DMXL1: variants seen among roughly 807,000 people sequenced by gnomAD.
DMXL1 encodes Dmx like 1.
A neutral mutation model predicts 319.2 loss-of-function variants in DMXL1; 99 were observed. The observed-to-expected ratio is 0.31, with a 90% CI of 0.26 to 0.37. The LOEUF (loss-of-function observed/expected upper bound fraction) is 0.37. DMXL1 is among the 10% of genes least tolerant of loss of function. DMXL1 has a pLI of 1.00. For synonymous variants in DMXL1, 1,385 were observed against 1,235.2 expected, an observed-to-expected ratio of 1.12 and a Z score of -2.54; for missense variants, 3,745 against 3,595.6, an observed-to-expected ratio of 1.04 and a Z score of -1.06.
At chr5:119,219,274 T>C (rs1784235296) in intron 35 of DMXL1, among the ~76,000 whole-genome samples, 1 of 152,188 alleles carries the variant, frequency 6.6e-6, no homozygotes, top group African/African-American at 2.4e-5. Context: ...GTAAGCATAC[T>C]TGCCCTTTGC....
At chr5:119,090,209 CAG>C (rs1754449564) in intron 1 of DMXL1, among the ~76,000 whole-genome samples, 1 of 150,136 alleles carries the variant, frequency 6.7e-6, no homozygotes, top group Admixed American at 6.6e-5. Context: ...TTAGTAGAGA[CAG>C]GGTTTCACCA....
intron 37 of DMXL1, among the ~76,000 whole-genome samples, chr5:119,222,829 C>T (rs1449960366): frequency 6.6e-6 from 1 of 152,072 alleles, no homozygotes; most frequent in South Asian, 2.1e-4. Flanking sequence ...GTCTCTTGAA[C>T]TTATTAAGCT....
intron 2 of DMXL1, among the ~76,000 whole-genome samples, chr5:119,099,767 TC>T (rs1379754933): frequency 6.6e-6 from 1 of 151,932 alleles, no homozygotes; most frequent in Non-Finnish European, 1.5e-5. Flanking sequence ...TTTAGGAGGG[TC>T]AAGGTGGGCA....
chr5:119,219,821 G>C lies in DMXL1; in HGVS notation c.8014-651G>C, dbSNP rs571579687. Among the ~76,000 whole-genome samples, 449 of 152,166 alleles carry C rather than the reference G, an allele frequency of 3.0e-3. 3 individuals carry two copies. Among genetic ancestry groups the C allele is most frequent in the African/African-American group, 0.01 (418 of 41,500 alleles). On this transcript the variant is annotated intron_variant, in intron 35 of 43. Transcript: ENST00000539542. ...GAGCTCAAGCTGTCTGCCTGCTTCA[G>C]CCTCCTAAAGTGCTAGGATTATAGA...
At chr5:119,086,189 A>G (rs751166151) in intron 1 of DMXL1, among the ~76,000 whole-genome samples, 2 of 152,178 alleles carry the variant, frequency 1.3e-5, no homozygotes, top group Admixed American at 6.5e-5. Context: ...GTTTCCCCTT[A>G]TGAAACCATC....
chr5:119,166,149 A>G (rs1381953477), intron 21 of DMXL1, among the ~76,000 whole-genome samples: 1 of 152,304 alleles, frequency 6.6e-6, no homozygotes, highest in South Asian at 2.1e-4. Context: ...TTATTTCCAG[A>G]TGACCCACAT....
At position 119,199,059 on chromosome 5, in the gene DMXL1, TG is replaced by T. The variant is rs1321694740; in HGVS notation, c.7745+1104del. Among the ~76,000 whole-genome samples the T allele has an allele frequency of 2.0e-5, 3 of 152,122 alleles. No individual in the cohort carries two copies. The East Asian group carries it at 5.8e-4, about 29-fold the overall frequency. On this transcript the variant is annotated intron_variant, in intron 32 of 43. Coordinates refer to ENST00000539542, the MANE Select transcript of DMXL1 (RefSeq NM_001290321.3). ...ACACCACCATGCCCAGCTAATTTTT[TG>T]TATTTTTTGTAGAGACAGGGTTTCA...
At chr5:119,200,213 C>T (rs1780443437) in intron 32 of DMXL1, among the ~76,000 whole-genome samples, 1 of 152,104 alleles carries the variant, frequency 6.6e-6, no homozygotes, top group African/African-American at 2.4e-5. Flanking sequence ...TTTGGTTTTA[C>T]ATGTAAGTCT....
rs926260469 is a variant in DMXL1 at position 119,237,421 on chromosome 5, C to T, written c.8559+7C>T. On this transcript the variant is annotated splice_region_variant and intron_variant, in intron 40 of 43. Coordinates refer to ENST00000539542, the MANE Select transcript of DMXL1 (RefSeq NM_001290321.3). ...CATGCCTAAGCCATACCTGGTAAGC[C>T]AAGAATTTCTACCTTTAAATAAAAT... The T allele has an allele frequency of 6.4e-7, 1 of 1,559,224 alleles. No homozygotes were observed. The highest frequency in any genetic ancestry group is 8.8e-7 in the Non-Finnish European group (1 of 1,137,668).
intron 19 of DMXL1, among the ~76,000 whole-genome samples, chr5:119,152,422 C>T (rs1770015957): frequency 1.3e-5 from 2 of 151,974 alleles, no homozygotes; most frequent in Non-Finnish European, 2.9e-5. Flanking sequence ...TGTTATAATA[C>T]ATTCTCAAAT....
At chr5:119,083,496 A>C (rs912736114) in intron 1 of DMXL1, among the ~76,000 whole-genome samples, 4 of 152,154 alleles carry the variant, frequency 2.6e-5, no homozygotes, top group Admixed American at 2.6e-4. Flanking sequence ...TCTTTTGCAT[A>C]TATACCCAGT....
chr5:119,137,542 A>G (rs1766299644), intron 13 of DMXL1, among the ~76,000 whole-genome samples: 1 of 152,208 alleles, frequency 6.6e-6, no homozygotes, highest in African/African-American at 2.4e-5. Context: ...CTCATTTCGA[A>G]TTATAATTGC....
intron 42 of DMXL1, among the ~76,000 whole-genome samples, chr5:119,242,364 C>A (rs987709464): frequency 1.3e-5 from 2 of 152,114 alleles, no homozygotes; most frequent in African/African-American, 4.8e-5. Flanking sequence ...AGAATATTAC[C>A]ATTTACAATA....
Position 119,167,973 on chromosome 5 carries a change from G to C in DMXL1, c.5398+109G>C, listed in dbSNP as rs1773769568. 4 of 1,069,220 alleles carry C rather than the reference G, an allele frequency of 3.7e-6. No homozygotes were observed. The East Asian group carries it at 1.2e-4, about 32-fold the overall frequency. 66.2% of individuals were successfully genotyped at this position (1,069,220 alleles called of 1,614,324 possible). ...GGTAATACAAACAAATTGAATTCAT[G>C]GTCTTTATAACAGTTTTTGGTTGGT... On this transcript the variant is annotated intron_variant, in intron 23 of 43. Coordinates refer to ENST00000539542, the MANE Select transcript of DMXL1 (RefSeq NM_001290321.3).
chr5:119,119,715 T>A (rs1327789211), intron 8 of DMXL1, among the ~76,000 whole-genome samples: 1 of 151,930 alleles, frequency 6.6e-6, no homozygotes, highest in African/African-American at 2.4e-5. Flanking sequence ...TTACCATGTT[T>A]GCCAGGGCTG....
intron 40 of DMXL1, chr5:119,238,753 G>C (rs755256961): frequency 1.1e-5 from 3 of 279,770 alleles, no homozygotes; most frequent in Non-Finnish European, 1.6e-5. Context: ...AAATATGAAA[G>C]AGAAGTAGAG....
chr5:119,108,022 G>T (rs1244748039), intron 4 of DMXL1, among the ~76,000 whole-genome samples: 1 of 152,116 alleles, frequency 6.6e-6, no homozygotes, highest in Non-Finnish European at 1.5e-5. Flanking sequence ...TAGACACAGG[G>T]ATTTCTGATC....
In DMXL1 at chr5:119,096,486, T is replaced by C. The variant is rs1038137404; in HGVS notation, c.88-1493T>C. Among the ~76,000 whole-genome samples the C allele has an allele frequency of 2.0e-5, 3 of 152,144 alleles. No homozygotes were observed. The East Asian group carries it at 5.8e-4, about 29-fold the overall frequency. On this transcript the variant is annotated intron_variant, in intron 1 of 43. Transcript: ENST00000539542. ...CCACCATGCCCAGCCTGAAGTATAATTTTTAAATATATGTGCGTGTGCAAA... is the reference window on the plus strand; with the variant it reads ...CCACCATGCCCAGCCTGAAGTATAACTTTTAAATATATGTGCGTGTGCAAA...
At chr5:119,211,510 T>C (rs1209535267) in intron 34 of DMXL1, among the ~76,000 whole-genome samples, 1 of 152,216 alleles carries the variant, frequency 6.6e-6, no homozygotes, top group Non-Finnish European at 1.5e-5. Context: ...AGTTATCATG[T>C]TGCCCTATTA....
Sources: allele counts gnomAD v4.1 joint callset (sites outside exome capture counted in the v4.1 genomes callset), GRCh38; gene constraint gnomAD v4.1.1; transcripts MANE v1.5; gene names NCBI Gene and HGNC (gene_info 2026-07-23, HGNC 2026-07-21).